The following ASIC2 variants were observed in gnomAD, a reference collection of about 807,000 sequenced individuals.
The protein encoded by ASIC2 is acid sensing ion channel subunit 2.
In ASIC2, 25 loss-of-function variants were observed where a neutral mutation model predicts 57.3. The observed-to-expected ratio is 0.44, with a 90% CI of 0.32 to 0.61. The LOEUF is 0.61. ASIC2 is among the 20% of genes least tolerant of loss of function. ASIC2 has a pLI of 0.06. For synonymous variants in ASIC2, 319 were observed against 307.5 expected (o/e 1.04, Z -0.39); for missense variants, 641 against 738.1 (o/e 0.87, Z 1.52).
intron 1 of ASIC2, among the ~76,000 whole-genome samples, chr17:33,173,664 C>T (rs1371066163): frequency 2.6e-5 from 4 of 152,212 alleles, no homozygotes; most frequent in African/African-American, 7.2e-5. Flanking sequence ...TTTGACCAGA[C>T]AGGTCTGGGT....
intron 1 of ASIC2, among the ~76,000 whole-genome samples, chr17:33,636,159 A>G (rs1221922781): frequency 1.3e-5 from 2 of 152,250 alleles, no homozygotes; most frequent in Admixed American, 6.5e-5. Context: ...ATATATACAT[A>G]TTAATACAGA....
intron 3 of ASIC2, among the ~76,000 whole-genome samples, chr17:33,078,501 G>A (rs961395037): frequency 2.6e-5 from 4 of 152,150 alleles, no homozygotes; most frequent in Admixed American, 2.0e-4. Context: ...CACAATATTC[G>A]ATCCATCCTT....
rs1905522798 is a variant in ASIC2, at chr17:33,292,326, C to T, written c.-211G>A. 1.0e-6 allele frequency: 1 copy of T among 986,248 alleles called. No individual in the cohort carries two copies. The allele number at this position is 986,248 out of a possible 1,614,324, so 61.1% of individuals were successfully genotyped here. A position where few individuals can be genotyped will look rare whatever the true frequency, so the allele number is the denominator to read the frequency against. On this transcript the variant is annotated 5_prime_UTR_variant, in exon 1 of 10. Transcript: ENST00000225823. ...CGGGCGCCCGCCCGGGGCTGAGCGC[C>T]GCCTCAGCCCGCAGCCCCTGGCAGT...
intron 1 of ASIC2, among the ~76,000 whole-genome samples, chr17:33,464,245 C>A (rs1264169744): frequency 6.6e-6 from 1 of 152,188 alleles, no homozygotes; most frequent in Non-Finnish European, 1.5e-5. Flanking sequence ...GAGGTGCTCC[C>A]TATTTCTGGC....
intron 1 of ASIC2, among the ~76,000 whole-genome samples, chr17:33,240,943 A>G (rs751530212): frequency 2.6e-5 from 4 of 152,182 alleles, no homozygotes; most frequent in Non-Finnish European, 5.9e-5. Context: ...AGAGAATTTT[A>G]CCGTTTATGG....
rs58392305 is a variant in ASIC2 at position 33,754,957 on chromosome 17, C to CAAAA, written c.555+401017_555+401020dup. 8.8e-3 allele frequency among the ~76,000 whole-genome samples: 510 copies of CAAAA among 57,812 alleles called. 27 individuals carry two copies. Among genetic ancestry groups the CAAAA allele is most frequent in the Middle Eastern group, 0.056 (3 of 54 alleles). 37.9% of individuals were successfully genotyped at this position (57,812 alleles called of 152,430 possible). A position where few individuals can be genotyped will look rare whatever the true frequency, so the allele number is the denominator to read the frequency against. ...TGGGCAACAGAGCGAGACTCCATCT[C>CAAAA]AAAAAAAAAAAAAAAAAAAAAAGAA... On this transcript the variant is annotated intron_variant, in intron 1 of 9. Coordinates refer to the ASIC2 transcript ENST00000359872.
chr17:33,053,306 A>G (rs1426829715), intron 3 of ASIC2, among the ~76,000 whole-genome samples: 1 of 152,184 alleles, frequency 6.6e-6, no homozygotes, highest in Non-Finnish European at 1.5e-5. Flanking sequence ...TTCACCTCTG[A>G]TATCTGTTGT....
At position 34,156,208 on chromosome 17, in the gene ASIC2, G is replaced by A; in HGVS notation, c.325C>T (p.His109Tyr). Residue 109 changes from histidine (H) to tyrosine (Y), a missense_variant, in exon 1 of 10, where the codon CAT becomes TAT. His to Tyr is a moderately conservative substitution (Grantham distance 83, BLOSUM62 2). Transcript: ENST00000359872. This position sits in a 1 kb window ranked among gnomAD's most constrained non-coding sequence, Gnocchi z 4.4. ...AGCAGGGCCAGCAGCTCCCCAGCAT[G>A]GTACAGGTCATTGGTGGTGAGCCTG... The A allele has an allele frequency of 6.2e-7, 1 of 1,614,152 alleles. No individual in the cohort carries two copies. The highest frequency in any genetic ancestry group is 8.5e-7 in the Non-Finnish European group (1 of 1,180,032).
At chr17:33,924,434 T>G (rs1915779925) in intron 1 of ASIC2, among the ~76,000 whole-genome samples, 1 of 152,196 alleles carries the variant, frequency 6.6e-6, no homozygotes, top group Admixed American at 6.5e-5. Flanking sequence ...GACAAAACTC[T>G]CAGCACTACA....
intron 1 of ASIC2, among the ~76,000 whole-genome samples, chr17:34,018,767 G>A (rs1907053835): frequency 6.6e-6 from 1 of 152,218 alleles, no homozygotes; most frequent in African/African-American, 2.4e-5. Context: ...AGCTTGAAAT[G>A]ACATCTTTCT....
intron 1 of ASIC2, among the ~76,000 whole-genome samples, chr17:33,390,850 C>A (rs1909864098): frequency 6.6e-6 from 1 of 152,200 alleles, no homozygotes; most frequent in African/African-American, 2.4e-5. Context: ...ATATCTATCA[C>A]TTTTGCCATA....
At chr17:33,282,893 T>C (rs9898834) in intron 1 of ASIC2, among the ~76,000 whole-genome samples, 32,622 of 152,140 alleles carry the variant, frequency 0.21, 3,568 homozygotes, top group East Asian at 0.39. Context: ...ACCCAGGATA[T>C]TCTCCCTATC....
intron 1 of ASIC2, among the ~76,000 whole-genome samples, chr17:34,119,746 T>G (rs1448053675): frequency 6.6e-6 from 1 of 152,218 alleles, no homozygotes; most frequent in Non-Finnish European, 1.5e-5. Flanking sequence ...TTCTACCTTG[T>G]GTTACAACTG....
intron 1 of ASIC2, among the ~76,000 whole-genome samples, chr17:33,578,235 C>G (rs975747512): frequency 8.5e-5 from 13 of 152,134 alleles, no homozygotes; most frequent in African/African-American, 1.4e-4. Context: ...TCTGAATGCC[C>G]TTAGAAGTGT....
chr17:33,096,452 T>C (rs2092179986), intron 2 of ASIC2, among the ~76,000 whole-genome samples: 1 of 152,222 alleles, frequency 6.6e-6, no homozygotes, highest in Non-Finnish European at 1.5e-5. Context: ...ATGAAAAAAG[T>C]CAGGCTGCTT....
chr17:33,684,325 GGA>G (rs769539191), intron 1 of ASIC2, among the ~76,000 whole-genome samples: 16 of 152,278 alleles, frequency 1.1e-4, no homozygotes, highest in Non-Finnish European at 1.9e-4. Flanking sequence ...CCTGGGGTGG[GGA>G]GGGGGGTGCT....
intron 1 of ASIC2, among the ~76,000 whole-genome samples, chr17:33,934,768 A>T (rs978995360): frequency 6.6e-6 from 1 of 152,196 alleles, no homozygotes; most frequent in East Asian, 1.9e-4. Context: ...ACACACTTGC[A>T]TACACCCACA....
chr17:33,345,626 A>G (rs1907913037), intron 1 of ASIC2, among the ~76,000 whole-genome samples: 1 of 152,228 alleles, frequency 6.6e-6, no homozygotes, highest in Admixed American at 6.5e-5. Context: ...AAAGAGGTTT[A>G]CATATTCAAG....
chr17:33,298,294 G>A (rs1370554299), upstream of ASIC2, among the ~76,000 whole-genome samples: 2 of 151,904 alleles, frequency 1.3e-5, no homozygotes, highest in Admixed American at 6.6e-5. Flanking sequence ...AGCCCTTCCT[G>A]TGTCCAAGTG....
Sources: allele counts gnomAD v4.1 joint callset (sites outside exome capture counted in the v4.1 genomes callset), GRCh38; gene constraint gnomAD v4.1.1; non-coding constraint Gnocchi (gnomAD v3.1); transcripts MANE v1.5; gene names NCBI Gene and HGNC (gene_info 2026-07-23, HGNC 2026-07-21).